The following GPATCH8 variants were observed in gnomAD, a reference collection of about 807,000 sequenced individuals.
GPATCH8 encodes the protein G patch domain-containing protein 8.
GPATCH8 carries 18 observed loss-of-function variants against 118.3 expected under a neutral mutation model. The ratio of observed to expected loss-of-function variants is 0.15; its 90% CI spans 0.11 to 0.23. GPATCH8 has a LOEUF of 0.23. Among genes scored for constraint, GPATCH8 ranks in the 10% least tolerant of loss-of-function variants. The pLI, the probability that GPATCH8 is intolerant of heterozygous loss-of-function variation, is 1.00. For synonymous variants in GPATCH8, 659 were observed against 684.7 expected (o/e 0.96, Z 0.59); for missense variants, 1,631 against 1,873.8 (o/e 0.87, Z 2.39).
At chr17:44,443,708 GC>G (rs1567996477) in intron 3 of GPATCH8, among the ~76,000 whole-genome samples, 1 of 151,670 alleles carries the variant, frequency 6.6e-6, no homozygotes, top group African/African-American at 2.4e-5. Context: ...TCTCACCATC[GC>G]CCAGGCTGGA....
At chr17:44,434,786 C>T (rs936115439) in intron 5 of GPATCH8, among the ~76,000 whole-genome samples, 1 of 152,206 alleles carries the variant, frequency 6.6e-6, no homozygotes, top group Non-Finnish European at 1.5e-5. Context: ...ATTTTTACTG[C>T]TACCACTACT....
intron 6 of GPATCH8, among the ~76,000 whole-genome samples, chr17:44,418,932 G>A (rs2049791824): frequency 6.6e-6 from 1 of 152,212 alleles, no homozygotes; most frequent in African/African-American, 2.4e-5. Context: ...TACTTAATCA[G>A]CTTCTGTATC....
intron 2 of GPATCH8, among the ~76,000 whole-genome samples, chr17:44,466,536 T>C (rs2051771114): frequency 6.6e-6 from 1 of 152,184 alleles, no homozygotes. Flanking sequence ...CTGGGGCTTC[T>C]TCCCTTCCCC....
chr17:44,427,313 C>T (rs1444339745), intron 5 of GPATCH8, among the ~76,000 whole-genome samples: 1 of 151,496 alleles, frequency 6.6e-6, no homozygotes, highest in Admixed American at 6.6e-5. Context: ...TTTTTATAGG[C>T]TTATGTTTAT....
At chr17:44,451,123 C>T (rs902252027) in intron 3 of GPATCH8, among the ~76,000 whole-genome samples, 27 of 152,010 alleles carry the variant, frequency 1.8e-4, no homozygotes, top group African/African-American at 6.0e-4. Flanking sequence ...TTCTTTTTCT[C>T]TTTTTCTTTG....
chr17:44,401,266 C>T lies in GPATCH8; in HGVS notation c.811G>A (p.Gly271Arg), dbSNP rs146003788. Residue 271 changes from glycine (G) to arginine (R), a missense_variant, in exon 8 of 8, where the codon GGA becomes AGA. Around this residue, in one of 8 missense-constraint regions of GPATCH8, gnomAD observed 405 missense variants for 462.7 expected, o/e 0.88. Coordinates refer to ENST00000591680, the MANE Select transcript of GPATCH8 (RefSeq NM_001002909.4). ...FTAVQITNTT[G>R]LAQAPGLASQ... Reference sequence around the variant, plus strand: ...GCTAACCCAGGAGCCTGGGCCAGTCCAGTGGTATTAGTGATTTGTACTGCA... The same window carrying T: ...GCTAACCCAGGAGCCTGGGCCAGTCTAGTGGTATTAGTGATTTGTACTGCA... 551 of 1,613,670 alleles carry T rather than the reference C, an allele frequency of 3.4e-4. No individual in the cohort carries two copies. In the African/African-American group the frequency reaches 6.6e-3, roughly 19 times the overall value.
intron 3 of GPATCH8, among the ~76,000 whole-genome samples, chr17:44,453,070 C>CA: frequency 6.6e-6 from 1 of 152,158 alleles, no homozygotes; most frequent in East Asian, 1.9e-4. Context: ...TGAGCTCAAG[C>CA]ATCCACCCAC....
intron 2 of GPATCH8, among the ~76,000 whole-genome samples, chr17:44,471,137 G>C (rs1026524573): frequency 2.0e-5 from 3 of 151,978 alleles, no homozygotes; most frequent in Non-Finnish European, 4.4e-5. Flanking sequence ...TCATTCTTGA[G>C]GAAAAATCTC....
At chr17:44,480,533 T>A (rs1968142428) in intron 1 of GPATCH8, among the ~76,000 whole-genome samples, 1 of 151,922 alleles carries the variant, frequency 6.6e-6, no homozygotes, top group Admixed American at 6.6e-5. Flanking sequence ...CTGACCAACA[T>A]GGAGAAACCT....
chr17:44,471,156 A>C (rs565762176), intron 2 of GPATCH8, among the ~76,000 whole-genome samples: 1 of 152,346 alleles, frequency 6.6e-6, no homozygotes, highest in East Asian at 1.9e-4. Context: ...TCATTGAAAG[A>C]TATCTGGTTG....
chr17:44,453,478 TGTAG>T (rs562953244), intron 3 of GPATCH8, among the ~76,000 whole-genome samples: 11 of 131,610 alleles, frequency 8.4e-5, no homozygotes, highest in African/African-American at 1.4e-4. Flanking sequence ...CCCTTCTAGT[TGTAG>T]GTAGGTAGGT....
intron 1 of GPATCH8, among the ~76,000 whole-genome samples, chr17:44,479,387 T>G (rs1430553696): frequency 6.6e-6 from 1 of 152,246 alleles, no homozygotes; most frequent in African/African-American, 2.4e-5. Context: ...CAAATCATTC[T>G]GGATCTGTCA....
chr17:44,399,971 T>C lies in GPATCH8; in HGVS notation c.2106A>G (p.Ala702=). The part of the protein sequence containing the change: ...KADTEEKSSK[A]ESGEKSKKRK... ...GCTTCTTAGATTTCTCCCCTGACTC[T>C]GCCTTAGAGCTTTTCTCTTCTGTGT... is the stretch of plus-strand genomic sequence containing the variant. The change falls in exon 8 of 8, where the codon GCA becomes GCG. Residue 702 remains alanine, a synonymous_variant. Transcript: ENST00000591680. The C allele has an allele frequency of 6.2e-7, 1 of 1,614,194 alleles. No homozygotes were observed. Among genetic ancestry groups the C allele is most frequent in the South Asian group, 1.1e-5 (1 of 91,086 alleles).
Position 44,435,097 on chromosome 17 carries a change from CT to C in GPATCH8, c.315del (p.Glu106LysfsTer6). On this transcript the variant is annotated frameshift_variant, in exon 5 of 8. Coordinates refer to ENST00000591680, the MANE Select transcript of GPATCH8 (RefSeq NM_001002909.4). LOFTEE classifies it high-confidence loss of function. ...TERRRVLEVE[K>X]EDTEELRQKY... ...TTTTGTCTCAGCTCTTCTGTGTCTT[CT>C]TTTTCTACTTCTAGGACACGGCGCC... 4.6e-6 allele frequency: 7 copies of C among 1,516,550 alleles called. No individual in the cohort carries two copies. The highest frequency in any genetic ancestry group is 1.1e-5 in the South Asian group (1 of 89,070). The allele number at this position is 1,516,550 out of a possible 1,614,324, so 93.9% of individuals were successfully genotyped here. A position where few individuals can be genotyped will look rare whatever the true frequency, so the allele number is the denominator to read the frequency against.
chr17:44,433,126 G>A (rs948422156), intron 5 of GPATCH8, among the ~76,000 whole-genome samples: 17 of 151,976 alleles, frequency 1.1e-4, no homozygotes, highest in Admixed American at 3.3e-4. Context: ...GCACCCAGCC[G>A]AGAAATAATT....
intron 5 of GPATCH8, among the ~76,000 whole-genome samples, chr17:44,426,558 T>C (rs1006757521): frequency 9.9e-5 from 14 of 141,616 alleles, no homozygotes; most frequent in African/African-American, 3.4e-4. Flanking sequence ...AAGCCAAGAT[T>C]GCGCCACTGC....
At chr17:44,421,171 A>T (rs1270698364) in intron 6 of GPATCH8, among the ~76,000 whole-genome samples, 1 of 151,320 alleles carries the variant, frequency 6.6e-6, no homozygotes, top group Non-Finnish European at 1.5e-5. Flanking sequence ...TCTAGTTAAA[A>T]CTTTTTTTTC....
chr17:44,397,992 T>C lies in GPATCH8; in HGVS notation c.4085A>G (p.Gln1362Arg). ...ATPALQPIHI[Q>R]QPATASATSI... ...GGTGGCAGAGGCTGTAGCTGGCTGC[T>C]GAATGTGGATGGGTTGCAGGGCTGG... is the stretch of plus-strand genomic sequence containing the variant. Residue 1362 changes from glutamine (Q) to arginine (R), a missense_variant, in exon 8 of 8, where the codon CAG (glutamine) becomes CGG (arginine). Transcript: ENST00000591680. 1 of 1,614,046 alleles carries C rather than the reference T, an allele frequency of 6.2e-7. No individual in the cohort carries two copies. The highest frequency in any genetic ancestry group is 8.5e-7 in the Non-Finnish European group (1 of 1,179,950).
intron 5 of GPATCH8, among the ~76,000 whole-genome samples, chr17:44,431,588 G>A (rs981187361): frequency 6.6e-6 from 1 of 151,866 alleles, no homozygotes; most frequent in African/African-American, 2.4e-5. Context: ...AAATGAGACT[G>A]CAGTTTTTGT....
Sources: allele counts gnomAD v4.1 joint callset (sites outside exome capture counted in the v4.1 genomes callset), GRCh38; gene constraint gnomAD v4.1.1; regional missense constraint gnomAD v4.1.1; transcripts MANE v1.5; gene names NCBI Gene and HGNC (gene_info 2026-07-23, HGNC 2026-07-21).